CNTN5: variants seen among roughly 807,000 people sequenced by gnomAD.
CNTN5 encodes the protein contactin 5.
In CNTN5, 77 loss-of-function variants were observed where a neutral mutation model predicts 129.1. The observed-to-expected ratio is 0.60, with a 90% CI of 0.50 to 0.72. CNTN5 has a LOEUF of 0.72. Ranked by LOEUF, CNTN5 falls within the 30% of genes least tolerant of loss-of-function variation. The pLI, the probability that CNTN5 is intolerant of heterozygous loss-of-function variation, is 0.00. For missense variants in CNTN5, 1,478 were observed against 1,328.8 expected (o/e 1.11, Z -1.75); for synonymous variants, 509 against 465.6 (o/e 1.09, Z -1.20).
intron 1 of CNTN5, among the ~76,000 whole-genome samples, chr11:99,203,306 A>G (rs1859310120): frequency 1.3e-5 from 2 of 152,182 alleles, no homozygotes; most frequent in African/African-American, 2.4e-5. Flanking sequence ...TTTGAGCTTC[A>G]TGGAAGTTTA....
chr11:99,848,412 CTTTA>C (rs1173322069), intron 6 of CNTN5, among the ~76,000 whole-genome samples: 1 of 151,906 alleles, frequency 6.6e-6, no homozygotes, highest in Non-Finnish European at 1.5e-5. Context: ...ATCTACCAGG[CTTTA>C]TTTATCTAAA....
At chr11:100,024,395 T>C (rs902836562) in intron 9 of CNTN5, among the ~76,000 whole-genome samples, 9 of 152,186 alleles carry the variant, frequency 5.9e-5, no homozygotes, top group African/African-American at 1.7e-4. Flanking sequence ...CAGTTCTTCA[T>C]AGCTGTATGA....
intron 9 of CNTN5, among the ~76,000 whole-genome samples, chr11:100,019,193 G>C (rs962522886): frequency 4.7e-4 from 71 of 151,960 alleles, no homozygotes; most frequent in African/African-American, 1.7e-3. Context: ...TGAGATTTTA[G>C]TGCCATAGCT....
At chr11:99,474,664 C>A (rs1378839189) in intron 2 of CNTN5, among the ~76,000 whole-genome samples, 1 of 152,026 alleles carries the variant, frequency 6.6e-6, no homozygotes, top group Non-Finnish European at 1.5e-5. Flanking sequence ...CCCAACTTTG[C>A]AGTATTTAAT....
intron 3 of CNTN5, among the ~76,000 whole-genome samples, chr11:99,812,687 T>G (rs905733188): frequency 6.6e-6 from 1 of 152,082 alleles, no homozygotes; most frequent in African/African-American, 2.4e-5. Context: ...CCATCTGACT[T>G]TGGAACCTCT....
Position 99,587,856 on chromosome 11 carries a change from C to A in CNTN5, c.55+31587C>A, listed in dbSNP as rs867725720. 3.3e-5 allele frequency among the ~76,000 whole-genome samples: 5 copies of A among 152,240 alleles called. 1 individual carries two copies. The Middle Eastern group carries it at 0.017, about 518-fold the overall frequency. On this transcript the variant is annotated intron_variant, in intron 3 of 24. Coordinates refer to ENST00000524871, the MANE Select transcript of CNTN5 (RefSeq NM_014361.4). ...ATAGTTGGGTCAAAATGGGTTCATG[C>A]TGAGTGACATTAGGAGCAGAATGGT...
chr11:99,253,971 C>T (rs1360918787), intron 1 of CNTN5, among the ~76,000 whole-genome samples: 1 of 149,420 alleles, frequency 6.7e-6, no homozygotes, highest in Non-Finnish European at 1.5e-5. Context: ...TATACATACA[C>T]ATGCTCATCA....
At chr11:100,338,002 G>A (rs1423484151) in intron 21 of CNTN5, among the ~76,000 whole-genome samples, 2 of 152,150 alleles carry the variant, frequency 1.3e-5, no homozygotes, top group African/African-American at 4.8e-5. Context: ...CCCTTCTCTA[G>A]GGAACTACAT....
intron 10 of CNTN5, among the ~76,000 whole-genome samples, chr11:100,067,350 G>A (rs1317800354): frequency 1.3e-5 from 2 of 151,950 alleles, no homozygotes; most frequent in African/African-American, 4.8e-5. Context: ...GTGTGCTTGT[G>A]TATGTATTTG....
In CNTN5 at chr11:99,737,812, C is replaced by T. The variant is rs372641046; in HGVS notation, c.56-81732C>T. On this transcript the variant is annotated intron_variant, in intron 3 of 24. Coordinates refer to ENST00000524871, the MANE Select transcript of CNTN5 (RefSeq NM_014361.4). ...ACTCGACTAAGCCTTCAGGATAGAA[C>T]GAGTACAGTGTTTTACCAATCAGAA... Among the ~76,000 whole-genome samples the T allele has an allele frequency of 2.7e-4, 41 of 152,126 alleles. 1 individual carries two copies. Among genetic ancestry groups the T allele is most frequent in the African/African-American group, 6.0e-4 (25 of 41,480 alleles).
At chr11:99,401,541 T>G (rs759998340) in intron 2 of CNTN5, among the ~76,000 whole-genome samples, 6 of 152,174 alleles carry the variant, frequency 3.9e-5, no homozygotes, top group Non-Finnish European at 5.9e-5. Context: ...TTGTTCTTTT[T>G]GCTTAGGATA....
chr11:100,264,273 G>A (rs944368778), intron 17 of CNTN5, among the ~76,000 whole-genome samples: 1 of 152,090 alleles, frequency 6.6e-6, no homozygotes, highest in Non-Finnish European at 1.5e-5. Flanking sequence ...AGAACGTGCA[G>A]GTTTGTTACA....
At chr11:99,305,802 G>A (rs1864848073) in intron 1 of CNTN5, among the ~76,000 whole-genome samples, 1 of 151,796 alleles carries the variant, frequency 6.6e-6, no homozygotes, top group Admixed American at 6.6e-5. Context: ...CAAACAAGGT[G>A]AAACCCCATC....
intron 3 of CNTN5, among the ~76,000 whole-genome samples, chr11:99,663,789 G>A (rs146692365): frequency 1.8e-3 from 270 of 152,166 alleles, no homozygotes; most frequent in African/African-American, 5.9e-3. Context: ...GCCTTCCTGG[G>A]CATGCAAAAG....
chr11:99,810,349 A>G (rs1234317649), intron 3 of CNTN5, among the ~76,000 whole-genome samples: 2 of 151,968 alleles, frequency 1.3e-5, no homozygotes, highest in African/African-American at 2.4e-5. Context: ...AAATATGTCT[A>G]TTTTTTCAGT....
At chr11:100,178,342 T>TA (rs367839699) in intron 13 of CNTN5, among the ~76,000 whole-genome samples, 1 of 152,302 alleles carries the variant, frequency 6.6e-6, no homozygotes, top group African/African-American at 2.4e-5. Context: ...CCTTTTTTCT[T>TA]AAAATCTTCG....
chr11:99,109,533 T>G (rs562368310), intron 1 of CNTN5, among the ~76,000 whole-genome samples: 1 of 152,246 alleles, frequency 6.6e-6, no homozygotes, highest in Admixed American at 6.5e-5. Context: ...TTAAACCAGA[T>G]AAGCCATTAT....
intron 3 of CNTN5, among the ~76,000 whole-genome samples, chr11:99,613,295 G>C (rs902452576): frequency 6.6e-6 from 1 of 152,140 alleles, no homozygotes; most frequent in African/African-American, 2.4e-5. Context: ...CATGAGATCT[G>C]ATGGTTTTAT....
chr11:99,726,451 T>C (rs1250626732), intron 3 of CNTN5, among the ~76,000 whole-genome samples: 1 of 152,220 alleles, frequency 6.6e-6, no homozygotes, highest in African/African-American at 2.4e-5. Context: ...CCGAAATTAC[T>C]ACATGTTTTC....
Sources: gnomAD v4.1 joint callset for allele counts (sites outside exome capture counted in the v4.1 genomes callset) on GRCh38, gnomAD v4.1.1 for gene constraint, MANE v1.5 for transcripts, NCBI Gene and HGNC (gene_info 2026-07-23, HGNC 2026-07-21) for gene names.